Variants in INSL6 observed in about 807,000 individuals in gnomAD.
The protein encoded by INSL6 is insulin-like peptide INSL6.
In INSL6, 16 loss-of-function variants were observed where a neutral mutation model predicts 9.4. The observed-to-expected ratio is 1.70, with a 90% confidence interval of 1.15 to 2.59. The LOEUF (loss-of-function observed/expected upper bound fraction) is 2.59, where lower values mean the gene tolerates loss of function less well. Ranked by LOEUF, INSL6 falls within the 30% of genes most tolerant of loss-of-function variation. The pLI is 0.00. For missense variants in INSL6, 391 were observed against 257.3 expected, an observed-to-expected ratio of 1.52 and a Z score of -3.56; for synonymous variants, 154 against 96.9, an observed-to-expected ratio of 1.59 and a Z score of -3.46.
chr9:5,143,294 A>G (rs1314396237), intron 2 of INSL6, among the ~76,000 whole-genome samples: 1 of 151,762 alleles, frequency 6.6e-6, no homozygotes, highest in Non-Finnish European at 1.5e-5. Context: ...TACATCTCGT[A>G]TAATTCAGCT....
chr9:5,170,646 G>A (rs1273425602), intron 1 of INSL6, among the ~76,000 whole-genome samples: 1 of 150,764 alleles, frequency 6.6e-6, no homozygotes, highest in Non-Finnish European at 1.5e-5. Context: ...CAATAAAAAG[G>A]ATAAAGGGGA....
chr9:5,069,855 T>C, the INSL6 span: 37 of 990,852 alleles, frequency 3.7e-5, no homozygotes, highest in Non-Finnish European at 7.2e-6. Context: ...CATTTCATTT[T>C]ACTCCTCTTT....
At position 5,164,072 on chromosome 9, in the gene INSL6, C is replaced by G. The variant is rs372626636; in HGVS notation, c.483G>C (p.Leu161Phe). 6.2e-7 allele frequency: 1 copy of G among 1,613,676 alleles called. No individual in the cohort carries two copies. The highest frequency in any genetic ancestry group is 8.5e-7 in the Non-Finnish European group (1 of 1,179,820). ...TTCTTTGGGGATGATGCCCCCAAAA[C>G]AAATTGCTTAAGGTTTTAATTTTGT... ...RRNKIKTLSN[L>F]FWGHHPQRKR... Residue 161 changes from leucine (L) to phenylalanine (F), a missense_variant, in exon 2 of 2, where the codon TTG becomes TTC. Transcript: ENST00000381641.
chr9:5,123,996 G>C (rs536563729), exon 4 of INSL6, among the ~76,000 whole-genome samples: 1 of 151,288 alleles, frequency 6.6e-6, no homozygotes, highest in Non-Finnish European at 1.5e-5. Flanking sequence ...CCTCTTGTCA[G>C]TTTGGGTGTC....
the INSL6 span, among the ~76,000 whole-genome samples, chr9:5,062,272 C>G: frequency 6.6e-6 from 1 of 151,902 alleles, no homozygotes; most frequent in Non-Finnish European, 1.5e-5. Flanking sequence ...TTGGTATATG[C>G]AGGGGTCCTG....
the INSL6 span, among the ~76,000 whole-genome samples, chr9:4,996,178 G>A: frequency 6.6e-6 from 1 of 152,158 alleles, no homozygotes; most frequent in South Asian, 2.1e-4. Context: ...ATTTTAGAGG[G>A]TCAAATTTAG....
chr9:5,093,406 G>C, the INSL6 span, among the ~76,000 whole-genome samples: 1 of 152,072 alleles, frequency 6.6e-6, no homozygotes, highest in Non-Finnish European at 1.5e-5. Flanking sequence ...CCCTAAATAG[G>C]GACTTAGAAG....
At chr9:5,184,469 C>T (rs1586883566) in intron 1 of INSL6, among the ~76,000 whole-genome samples, 1 of 152,202 alleles carries the variant, frequency 6.6e-6, no homozygotes, top group Admixed American at 6.5e-5. Flanking sequence ...ATCCTTCCTG[C>T]AGACTGCTTG....
At chr9:5,180,453 G>A (rs1361931311) in intron 1 of INSL6, among the ~76,000 whole-genome samples, 1 of 152,170 alleles carries the variant, frequency 6.6e-6, no homozygotes, top group African/African-American at 2.4e-5. Flanking sequence ...TGTGCAAGTA[G>A]GGAAGATATC....
chr9:5,152,437 A>G (rs899471897), intron 2 of INSL6, among the ~76,000 whole-genome samples: 3 of 152,200 alleles, frequency 2.0e-5, no homozygotes, highest in African/African-American at 7.2e-5. Context: ...GCAATTTTAA[A>G]ACAAACCTAT....
At chr9:5,123,144 T>C (rs1823742120), downstream of INSL6, 1 of 1,479,242 alleles carries the variant, frequency 6.8e-7, no homozygotes, top group Non-Finnish European at 9.3e-7. Context: ...TTTATTTACT[T>C]TCAGTTTTTT....
At chr9:5,168,667 C>A (rs1825110890) in intron 1 of INSL6, among the ~76,000 whole-genome samples, 1 of 151,958 alleles carries the variant, frequency 6.6e-6, no homozygotes, top group African/African-American at 2.4e-5. Flanking sequence ...TACAGTATAT[C>A]ATCCAGGAGA....
At chr9:5,147,264 G>C (rs112900837) in intron 2 of INSL6, among the ~76,000 whole-genome samples, 38 of 152,314 alleles carry the variant, frequency 2.5e-4, no homozygotes, top group African/African-American at 8.9e-4. Context: ...TTCCCTGTTT[G>C]ATGACAAGCA....
chr9:5,122,813 G>A (rs1241131176), downstream of INSL6, among the ~76,000 whole-genome samples: 1 of 151,546 alleles, frequency 6.6e-6, no homozygotes, highest in African/African-American at 2.4e-5. Flanking sequence ...GGGAATTGTG[G>A]AATCCCTCCT....
chr9:5,109,667 CATT>C, the INSL6 span: 1 of 152,176 alleles, frequency 6.6e-6, no homozygotes, highest in African/African-American at 2.4e-5. Flanking sequence ...ACCAAGAAGT[CATT>C]ATCTCAAACT....
Position 5,185,312 on chromosome 9 carries a change from A to G in INSL6, c.289+2T>C. 6.2e-7 allele frequency: 1 copy of G among 1,614,046 alleles called. No homozygotes were observed. Among genetic ancestry groups the G allele is most frequent in the Non-Finnish European group, 8.5e-7 (1 of 1,179,986 alleles). On this transcript the variant is annotated splice_donor_variant, in intron 1 of 1. Transcript: ENST00000381641. LOFTEE classifies it high-confidence loss of function. The stretch of plus-strand genomic sequence containing the variant: ...AAACATGCCTTCGGTTTCGATTTTT[A>G]CCTGGGTTTGTGCCTCTTCCCCGGG...
chr9:5,184,583 C>T (rs1380059584), intron 1 of INSL6, among the ~76,000 whole-genome samples: 1 of 152,142 alleles, frequency 6.6e-6, no homozygotes, highest in Non-Finnish European at 1.5e-5. Flanking sequence ...CCCTATAATA[C>T]AGTATGGTAT....
At chr9:5,036,759 C>G in the INSL6 span, among the ~76,000 whole-genome samples, 2 of 152,246 alleles carry the variant, frequency 1.3e-5, no homozygotes, top group Non-Finnish European at 2.9e-5. Flanking sequence ...CATAAAAACC[C>G]TAGAAGAAAA....
chr9:5,150,877 A>ACCCC (rs1490972129), intron 2 of INSL6, among the ~76,000 whole-genome samples: 16 of 145,734 alleles, frequency 1.1e-4, no homozygotes, highest in African/African-American at 3.7e-4. Flanking sequence ...ACACACACAC[A>ACCCC]CACATCATGG....
Sources: allele counts gnomAD v4.1 joint callset (sites outside exome capture counted in the v4.1 genomes callset), GRCh38; gene constraint gnomAD v4.1.1; transcripts MANE v1.5; gene names NCBI Gene and HGNC (gene_info 2026-07-23, HGNC 2026-07-21).